The following CPD variants were observed in gnomAD, a reference collection of about 807,000 sequenced individuals.
The protein encoded by CPD is carboxypeptidase D, also known as metallocarboxypeptidase D.
CPD carries 69 observed loss-of-function variants against 138.3 expected under a neutral mutation model. The observed-to-expected ratio is 0.50, with a 90% CI of 0.41 to 0.61. The LOEUF (loss-of-function observed/expected upper bound fraction) is 0.61, where lower values mean the gene tolerates loss of function less well. CPD is among the 20% of genes least tolerant of loss of function. CPD has a pLI of 0.00. For synonymous variants in CPD, 651 were observed against 642.1 expected, an observed-to-expected ratio of 1.01 and a Z score of -0.21; for missense variants, 1,432 against 1,733.3, an observed-to-expected ratio of 0.83 and a Z score of 3.09.
chr17:30,460,757 C>G (rs767360573), intron 17 of CPD, among the ~76,000 whole-genome samples: 2 of 152,118 alleles, frequency 1.3e-5, no homozygotes, highest in Non-Finnish European at 2.9e-5. Flanking sequence ...GATATTGTCA[C>G]CAGCAGGGGT....
intron 14 of CPD, 82 bp from the exon 15 acceptor site, chr17:30,455,257 A>G: frequency 8.6e-7 from 1 of 1,156,498 alleles, no homozygotes; most frequent in Admixed American, 2.3e-5. Context: ...TTTTGATTGT[A>G]TTCAAGTAGA....
intron 2 of CPD, among the ~76,000 whole-genome samples, chr17:30,390,593 A>G (rs1384690190): frequency 6.6e-6 from 1 of 152,206 alleles, no homozygotes; most frequent in Non-Finnish European, 1.5e-5. Flanking sequence ...ATCAGATAGT[A>G]TATTAGTAGT....
intron 2 of CPD, among the ~76,000 whole-genome samples, chr17:30,391,351 G>A (rs1446382323): frequency 6.6e-6 from 1 of 152,114 alleles, no homozygotes; most frequent in Non-Finnish European, 1.5e-5. Flanking sequence ...CAAGGCGGGA[G>A]GATCTTGAGT....
rs755155710 is a variant in CPD, at chr17:30,464,663, A to G, written c.3992A>G (p.Lys1331Arg). The change falls in exon 21 of 21, where the codon AAG becomes AGG. Residue 1331 changes from lysine (K) to arginine (R), a missense_variant. Physicochemically the swap from Lys to Arg is conservative, Grantham distance 26. Coordinates refer to ENST00000225719, the MANE Select transcript of CPD (RefSeq NM_001304.5). ...TGCTCAATCAAGTCTAATAGACACA[A>G]GGATGGCTTTCATCGGCTCAGGCAG... ...CICSIKSNRH[K>R]DGFHRLRQHH... 6.2e-7 allele frequency: 1 copy of G among 1,613,936 alleles called. No individual in the cohort carries two copies. Among genetic ancestry groups the G allele is most frequent in the Non-Finnish European group, 8.5e-7 (1 of 1,179,932 alleles).
At position 30,422,683 on chromosome 17, in the gene CPD, A is replaced by C; in HGVS notation, c.1317A>C (p.Pro439=). ...CAAATTTTTTTTTCAGGTATATGCCATTGACTGTTACTAATGTAGTGGTGA... is the reference window on the plus strand; with the variant it reads ...CAAATTTTTTTTTCAGGTATATGCCCTTGACTGTTACTAATGTAGTGGTGA... ...NLTVVLTGYM[P]LTVTNVVVKE... Residue 439 remains proline (P), a synonymous_variant, in exon 5 of 21, where the codon CCA becomes CCC. Coordinates refer to ENST00000225719, the MANE Select transcript of CPD (RefSeq NM_001304.5). 6.2e-7 allele frequency: 1 copy of C among 1,607,390 alleles called. No individual in the cohort carries two copies. The highest frequency in any genetic ancestry group is 8.5e-7 in the Non-Finnish European group (1 of 1,176,906).
intron 15 of CPD, 70 bp downstream of exon 15, chr17:30,455,540 C>T (rs1348774497): frequency 6.6e-7 from 1 of 1,521,214 alleles, no homozygotes; most frequent in East Asian, 2.3e-5. Flanking sequence ...AGTAATGTCC[C>T]TTCCACATTT....
chr17:30,439,007 C>T lies in CPD; in HGVS notation c.2160C>T (p.Cys720=). 1 of 1,585,482 alleles carries T rather than the reference C, an allele frequency of 6.3e-7. No homozygotes were observed. The highest frequency in any genetic ancestry group is 8.5e-7 in the Non-Finnish European group (1 of 1,171,166). The change falls in exon 9 of 21, where the codon TGC becomes TGT. Residue 720 remains cysteine, a synonymous_variant. Coordinates refer to ENST00000225719, the MANE Select transcript of CPD (RefSeq NM_001304.5). ...CCCAGATGTTTCAAGGTAGACCTTG[C>T]AAGAATATGTATCCTAATGAATATT... The part of the protein sequence containing the change: ...ENSQMFQGRP[C]KNMYPNEYFP...
At chr17:30,454,698 A>T (rs1004224252) in intron 14 of CPD, 2 of 152,532 alleles carry the variant, frequency 1.3e-5, no homozygotes, top group Non-Finnish European at 2.9e-5. Context: ...TAATAAAGAC[A>T]TACTCGAGAC....
At chr17:30,395,773 G>A (rs1911490389) in intron 2 of CPD, among the ~76,000 whole-genome samples, 1 of 151,160 alleles carries the variant, frequency 6.6e-6, no homozygotes, top group African/African-American at 2.4e-5. Flanking sequence ...GTGGGAGACA[G>A]TGTTAACCAA....
chr17:30,381,194 G>A (rs1321311155), intron 1 of CPD, among the ~76,000 whole-genome samples: 2 of 151,954 alleles, frequency 1.3e-5, no homozygotes, highest in African/African-American at 2.4e-5. Context: ...CTGAACATCT[G>A]CGTAAGAAAT....
chr17:30,404,755 T>C (rs1911763391), intron 2 of CPD, among the ~76,000 whole-genome samples: 1 of 152,172 alleles, frequency 6.6e-6, no homozygotes, highest in Non-Finnish European at 1.5e-5. Flanking sequence ...TTTCATTTTC[T>C]TTAAAATTTC....
intron 17 of CPD, among the ~76,000 whole-genome samples, chr17:30,458,898 G>A (rs1355870469): frequency 6.6e-6 from 1 of 151,348 alleles, no homozygotes; most frequent in Non-Finnish European, 1.5e-5. Flanking sequence ...AGAGTTTTAT[G>A]GATCAAGCTG....
intron 2 of CPD, among the ~76,000 whole-genome samples, chr17:30,398,853 T>A (rs28557326): frequency 1.5e-3 from 229 of 150,646 alleles, no homozygotes; most frequent in African/African-American, 4.0e-3. Context: ...ATAAAAAAAA[T>A]TTTTTTAAAT....
intron 11 of CPD, among the ~76,000 whole-genome samples, chr17:30,444,425 A>G (rs1912970839): frequency 6.6e-6 from 1 of 152,148 alleles, no homozygotes; most frequent in Non-Finnish European, 1.5e-5. Flanking sequence ...CAAAGAACAT[A>G]GAAAATGCAT....
Position 30,451,600 on chromosome 17 carries a change from C to T in CPD, c.3070-111C>T, listed in dbSNP as rs1913168521. 14 of 962,920 alleles carry T rather than the reference C, an allele frequency of 1.5e-5. No homozygotes were observed. In the Middle Eastern group the frequency reaches 6.7e-4, roughly 46 times the overall value. The allele number at this position is 962,920 out of a possible 1,614,324, so 59.6% of individuals were successfully genotyped here. ...ATTTTTTCATTCATCTTAGTTCTGT[C>T]TTTTAAATTAACTATGTGTAGAATA... On this transcript the variant is annotated intron_variant, in intron 13 of 20. Transcript: ENST00000225719.
intron 12 of CPD, among the ~76,000 whole-genome samples, chr17:30,448,056 A>T (rs1447893847): frequency 6.6e-6 from 1 of 152,224 alleles, no homozygotes; most frequent in East Asian, 1.9e-4. Flanking sequence ...TCTGATTTAT[A>T]ATATTCATAG....
intron 2 of CPD, among the ~76,000 whole-genome samples, chr17:30,389,194 T>C (rs1224409558): frequency 1.3e-5 from 2 of 152,124 alleles, no homozygotes; most frequent in Admixed American, 1.3e-4. Context: ...GCAGAAGGGG[T>C]GGCTGTCCGC....
At chr17:30,432,759 T>A (rs906343876) in intron 8 of CPD, among the ~76,000 whole-genome samples, 4 of 148,912 alleles carry the variant, frequency 2.7e-5, no homozygotes, top group Non-Finnish European at 4.5e-5. Context: ...AAATAAAAAA[T>A]AAAAAAAAAA....
intron 5 of CPD, 124 bp from the exon 6 acceptor site, chr17:30,423,382 C>T (rs571429426): frequency 4.7e-6 from 3 of 634,276 alleles, no homozygotes; most frequent in Non-Finnish European, 7.6e-6. Flanking sequence ...TTTTCTGCCT[C>T]CTTTGCCAAA....
Sources: allele counts gnomAD v4.1 joint callset (sites outside exome capture counted in the v4.1 genomes callset), GRCh38; gene constraint gnomAD v4.1.1; transcripts MANE v1.5; gene names NCBI Gene and HGNC (gene_info 2026-07-23, HGNC 2026-07-21).